The following PXN variants were observed in gnomAD, a reference collection of about 807,000 sequenced individuals.
PXN encodes the protein paxillin, also known as testicular tissue protein Li 134.
PXN carries 61 observed loss-of-function variants against 103.6 expected under a neutral mutation model. The ratio of observed to expected loss-of-function variants is 0.59; its 90% confidence interval spans 0.48 to 0.73. The LOEUF (loss-of-function observed/expected upper bound fraction) is 0.73. Ranked by LOEUF, PXN falls within the 30% of genes least tolerant of loss-of-function variation. PXN has a pLI of 0.00. For missense variants in PXN, 1,274 were observed against 1,460.3 expected, an observed-to-expected ratio of 0.87 and a Z score of 2.08; for synonymous variants, 562 against 607.8, an observed-to-expected ratio of 0.92 and a Z score of 1.11.
In PXN at chr12:120,228,738, G is replaced by A. The variant is rs775802940; in HGVS notation, c.14-4361C>T. Reference sequence around the variant, plus strand: ...GCACAACCCAAGGGTGACATGCAGGGCTCTGGAGAACCAGAGGGGTGCACG... The same window carrying A: ...GCACAACCCAAGGGTGACATGCAGGACTCTGGAGAACCAGAGGGGTGCACG... On this transcript the variant is annotated intron_variant, in intron 1 of 14. Transcript: ENST00000637617. The surrounding 1 kb of genome is among the most constrained non-coding windows in gnomAD (Gnocchi z 4.7). Among the ~76,000 whole-genome samples, 1 of 152,210 alleles carries A rather than the reference G, an allele frequency of 6.6e-6. No homozygotes were observed. The highest frequency in any genetic ancestry group is 6.5e-5 in the Admixed American group (1 of 15,284).
intron 1 of PXN, among the ~76,000 whole-genome samples, chr12:120,245,900 A>C (rs1891025219): frequency 6.6e-6 from 1 of 152,170 alleles, no homozygotes; most frequent in Non-Finnish European, 1.5e-5. Context: ...ATAACAAAAA[A>C]CAGGAGGGGG....
In PXN at chr12:120,215,288, G is replaced by A. The variant is rs1397822476; in HGVS notation, c.2404-15C>T. 2.5e-6 allele frequency: 4 copies of A among 1,575,896 alleles called. No homozygotes were observed. The highest frequency in any genetic ancestry group is 2.3e-5 in the East Asian group (1 of 43,046). Reference sequence around the variant, plus strand: ...TGGGCCATGAACTGTGGACACGGAGGGGGCTGGTCAGGACTCCTGAGGCTC... The same window carrying A: ...TGGGCCATGAACTGTGGACACGGAGAGGGCTGGTCAGGACTCCTGAGGCTC... On this transcript the variant is annotated splice_polypyrimidine_tract_variant and intron_variant, in intron 10 of 14. Coordinates refer to ENST00000637617, the MANE Select transcript of PXN (RefSeq NM_001385981.1). The surrounding 1 kb of genome is among the most constrained non-coding windows in gnomAD (Gnocchi z 4.9).
rs1365146432 is a variant in PXN at position 120,224,133 on chromosome 12, C to T, written c.240+18G>A. ...CCCCCAGCCTCCTTGGCCTTCCCAG[C>T]CACTGTCCCCGCCTCACCTGCTGGT... On this transcript the variant is annotated intron_variant, in intron 2 of 14. Transcript: ENST00000637617. This position sits in a 1 kb window ranked among gnomAD's most constrained non-coding sequence, Gnocchi z 5.0. 3.9e-6 allele frequency: 6 copies of T among 1,521,814 alleles called. No homozygotes were observed. The highest frequency in any genetic ancestry group is 5.3e-6 in the Non-Finnish European group (6 of 1,126,622). 94.3% of individuals were successfully genotyped at this position (1,521,814 alleles called of 1,614,324 possible).
At chr12:120,251,039 A>C (rs1041382554) in intron 1 of PXN, among the ~76,000 whole-genome samples, 1 of 151,996 alleles carries the variant, frequency 6.6e-6, no homozygotes, top group Non-Finnish European at 1.5e-5. Flanking sequence ...CCCCATCTCT[A>C]CTAAAAATAC....
intron 1 of PXN, among the ~76,000 whole-genome samples, chr12:120,236,741 C>T (rs1354909427): frequency 6.6e-6 from 1 of 152,114 alleles, no homozygotes; most frequent in Non-Finnish European, 1.5e-5. Context: ...TCCCAAAGTG[C>T]TGGCATTACA....
chr12:120,247,468 C>T (rs181240219), intron 1 of PXN: 8 of 153,318 alleles, frequency 5.2e-5, no homozygotes, highest in Admixed American at 3.9e-4. Flanking sequence ...CAAAGCCATC[C>T]GTGGAACTAG....
Position 120,212,228 on chromosome 12 carries a change from C to A in PXN, c.*86G>T. ...GGTTCCAGTTTCAGTCGGGTTTACC[C>A]CTTCACCCCCGGGTGAAGTCTCTAG... is the stretch of plus-strand genomic sequence containing the variant. On this transcript the variant is annotated 3_prime_UTR_variant, in exon 15 of 15. Transcript: ENST00000637617. This position sits in a 1 kb window ranked among gnomAD's most constrained non-coding sequence, Gnocchi z 7.2. The A allele has an allele frequency of 6.6e-7, 1 of 1,516,062 alleles. No individual in the cohort carries two copies. The highest frequency in any genetic ancestry group is 2.3e-5 in the East Asian group (1 of 43,680). 93.9% of individuals were successfully genotyped at this position (1,516,062 alleles called of 1,614,324 possible).
At position 120,216,539 on chromosome 12, in the gene PXN, T is replaced by C. The variant is rs1394208519; in HGVS notation, c.2035A>G (p.Ile679Val). The C allele has an allele frequency of 7.1e-7, 1 of 1,409,394 alleles. No homozygotes were observed. The highest frequency in any genetic ancestry group is 1.5e-5 in the African/African-American group (1 of 66,968). 87.3% of individuals were successfully genotyped at this position (1,409,394 alleles called of 1,614,324 possible). A position where few individuals can be genotyped will look rare whatever the true frequency, so the allele number is the denominator to read the frequency against. Residue 679 changes from isoleucine (I) to valine (V), a missense_variant, in exon 9 of 15, where the codon ATC (isoleucine) becomes GTC (valine). Physicochemically the swap from Ile to Val is conservative, Grantham distance 29. This residue lies in a region of PXN where 1,178 missense variants were observed against 1,309.0 expected (regional missense o/e 0.90). Transcript: ENST00000637617. This position sits in a 1 kb window ranked among gnomAD's most constrained non-coding sequence, Gnocchi z 5.1. Reference protein sequence around the residue: ...PGSPIPLRRTISVLASPSVPL... With the variant: ...PGSPIPLRRTVSVLASPSVPL... ...ACAGAAGGAGAAGCCAGGACAGAGATGGTTCTTCTCAGGGGAATGGGAGAG... is the reference window on the plus strand; with the variant it reads ...ACAGAAGGAGAAGCCAGGACAGAGACGGTTCTTCTCAGGGGAATGGGAGAG...
chr12:120,245,206 T>C (rs967149806), intron 1 of PXN, among the ~76,000 whole-genome samples: 3 of 152,034 alleles, frequency 2.0e-5, no homozygotes, highest in African/African-American at 7.3e-5. Flanking sequence ...TGAGCTGGAA[T>C]GTGCGATTTT....
chr12:120,264,281 C>T (rs549520922), intron 1 of PXN: 1 of 152,394 alleles, frequency 6.6e-6, no homozygotes, highest in East Asian at 1.9e-4. Context: ...TGGTAGAGGT[C>T]CATCAGTCCT....
chr12:120,245,531 T>TA (rs753776791), intron 1 of PXN, among the ~76,000 whole-genome samples: 5 of 151,818 alleles, frequency 3.3e-5, no homozygotes, highest in Non-Finnish European at 5.9e-5. Context: ...CTCACGCCTG[T>TA]AATCCCAGCA....
In PXN at chr12:120,223,641, C is replaced by T. The variant is rs59470045; in HGVS notation, c.356+77G>A. ...GTTGCTATGCCTGCTCCCGGGCCTCCGCTGCCTCCCACCCTGGCCAGGTCC... is the reference window on the plus strand; with the variant it reads ...GTTGCTATGCCTGCTCCCGGGCCTCTGCTGCCTCCCACCCTGGCCAGGTCC... On this transcript the variant is annotated intron_variant, in intron 3 of 14. Transcript: ENST00000637617. The T allele has an allele frequency of 6.2e-3, 7,345 of 1,193,470 alleles. 292 individuals carry two copies. In the African/African-American group the frequency reaches 0.094, roughly 15 times the overall value. The allele number at this position is 1,193,470 out of a possible 1,614,324, so 73.9% of individuals were successfully genotyped here.
intron 1 of PXN, chr12:120,226,289 C>T (rs1566398959): frequency 3.1e-6 from 4 of 1,289,102 alleles, no homozygotes; most frequent in South Asian, 1.2e-5. Flanking sequence ...CGAATGAGTG[C>T]AACCCCAGTA....
chr12:120,263,977 G>C (rs536265643), intron 1 of PXN, among the ~76,000 whole-genome samples: 2 of 152,028 alleles, frequency 1.3e-5, no homozygotes, highest in Admixed American at 6.6e-5. Context: ...CTTAGATCCT[G>C]GTTCAAAGAA....
intron 1 of PXN, among the ~76,000 whole-genome samples, chr12:120,241,004 G>C (rs1388124720): frequency 6.6e-6 from 1 of 152,154 alleles, no homozygotes; most frequent in East Asian, 1.9e-4. Context: ...CCCCAAGGGA[G>C]CTAAACTTTA....
At position 120,215,411 on chromosome 12, in the gene PXN, A is replaced by G; in HGVS notation, c.2404-138T>C. On this transcript the variant is annotated intron_variant, in intron 10 of 14. Coordinates refer to ENST00000637617, the MANE Select transcript of PXN (RefSeq NM_001385981.1). The surrounding 1 kb of genome is among the most constrained non-coding windows in gnomAD (Gnocchi z 4.9). ...AGAAGTACAACCTCCTCCAGGGGCC[A>G]GGAGCCCTAAAGTGGGAGTGACGTC... is the stretch of plus-strand genomic sequence containing the variant. The G allele has an allele frequency of 6.9e-7, 1 of 1,451,624 alleles. No individual in the cohort carries two copies. The highest frequency in any genetic ancestry group is 1.4e-5 in the South Asian group (1 of 71,626). 89.9% of individuals were successfully genotyped at this position (1,451,624 alleles called of 1,614,324 possible).
At chr12:120,235,249 G>A (rs1888808680) in intron 1 of PXN, among the ~76,000 whole-genome samples, 1 of 152,168 alleles carries the variant, frequency 6.6e-6, no homozygotes, top group African/African-American at 2.4e-5. Context: ...AGCAGCCTCT[G>A]CTCCTGCCAC....
At chr12:120,252,142 C>T (rs1289491578) in intron 1 of PXN, among the ~76,000 whole-genome samples, 3 of 152,104 alleles carry the variant, frequency 2.0e-5, no homozygotes, top group Admixed American at 1.3e-4. Flanking sequence ...CTCAGGTTCT[C>T]CAGAGGAGGA....
In PXN at chr12:120,220,459, C is replaced by T. The variant is rs913299332; in HGVS notation, c.832-368G>A. Among the ~76,000 whole-genome samples, 2 of 152,172 alleles carry T rather than the reference C, an allele frequency of 1.3e-5. No homozygotes were observed. The highest frequency in any genetic ancestry group is 2.4e-5 in the African/African-American group (1 of 41,440). The stretch of plus-strand genomic sequence containing the variant: ...GCCCCAGGGGCTGCTGAACCCGCCT[C>T]GGACACTGGCCCAACTCGGCCATGT... On this transcript the variant is annotated intron_variant, in intron 6 of 14. Transcript: ENST00000637617. The surrounding 1 kb of genome is among the most constrained non-coding windows in gnomAD (Gnocchi z 6.1).
Sources: gnomAD v4.1 joint callset for allele counts (sites outside exome capture counted in the v4.1 genomes callset) on GRCh38, gnomAD v4.1.1 for gene constraint, gnomAD v4.1.1 regional missense constraint, Gnocchi (gnomAD v3.1) non-coding constraint, MANE v1.5 for transcripts, NCBI Gene and HGNC (gene_info 2026-07-23, HGNC 2026-07-21) for gene names.